The following SMAD1 variants were observed in gnomAD, a reference collection of about 807,000 sequenced individuals.
SMAD1 encodes SMAD family member 1.
In SMAD1, 6 loss-of-function variants were observed where a neutral mutation model predicts 41.6. The ratio of observed to expected loss-of-function variants is 0.14; its 90% CI spans 0.08 to 0.28. The LOEUF (loss-of-function observed/expected upper bound fraction) is 0.28. Ranked by LOEUF, SMAD1 falls within the 10% of genes least tolerant of loss-of-function variation. The pLI is 1.00. For missense variants in SMAD1, 379 were observed against 582.6 expected, an observed-to-expected ratio of 0.65 and a Z score of 3.60; for synonymous variants, 206 against 203.2, an observed-to-expected ratio of 1.01 and a Z score of -0.12.
In SMAD1 at chr4:145,558,358, A is replaced by G. The variant is rs1168237386; in HGVS notation, c.*424A>G. On this transcript the variant is annotated 3_prime_UTR_variant, in exon 7 of 7. Transcript: ENST00000302085. The stretch of plus-strand genomic sequence containing the variant: ...ACGTGTTTTATCAGGTTTAGAGCCC[A>G]TGTTGAGTCTTCTTTTCATGGGTTT... 6.6e-6 allele frequency among the ~76,000 whole-genome samples: 1 copy of G among 152,204 alleles called. No homozygotes were observed. Among genetic ancestry groups the G allele is most frequent in the Non-Finnish European group, 1.5e-5 (1 of 68,020 alleles).
chr4:145,521,743 G>C (rs1730750106), intron 2 of SMAD1, among the ~76,000 whole-genome samples: 1 of 152,058 alleles, frequency 6.6e-6, no homozygotes. Context: ...GAAATTTTCT[G>C]TATCTTGACT....
chr4:145,496,055 A>C (rs529031310), intron 1 of SMAD1, among the ~76,000 whole-genome samples: 1 of 152,236 alleles, frequency 6.6e-6, no homozygotes, highest in East Asian at 1.9e-4. Flanking sequence ...ATAATGTCTT[A>C]TTCTAAGCTC....
At chr4:145,492,940 T>G (rs896399453) in intron 1 of SMAD1, among the ~76,000 whole-genome samples, 1 of 152,248 alleles carries the variant, frequency 6.6e-6, no homozygotes, top group Non-Finnish European at 1.5e-5. Context: ...CTAACTGAAT[T>G]ACATTCAGCC....
At chr4:145,551,115 G>A (rs74711143) in intron 5 of SMAD1, among the ~76,000 whole-genome samples, 4 of 152,056 alleles carry the variant, frequency 2.6e-5, no homozygotes, top group South Asian at 2.1e-4. Context: ...AAAAATTATC[G>A]GCATTAGGGT....
Position 145,514,363 on chromosome 4 carries a change from T to C in SMAD1, c.-176-75T>C. The C allele has an allele frequency of 2.4e-6, 1 of 423,458 alleles. No homozygotes were observed. The highest frequency in any genetic ancestry group is 5.2e-5 in the South Asian group (1 of 19,274). 26.2% of individuals were successfully genotyped at this position (423,458 alleles called of 1,614,324 possible). A position where few individuals can be genotyped will look rare whatever the true frequency, so the allele number is the denominator to read the frequency against. On this transcript the variant is annotated intron_variant, in intron 1 of 6. Coordinates refer to ENST00000302085, the MANE Select transcript of SMAD1 (RefSeq NM_005900.3). This position sits in a 1 kb window ranked among gnomAD's most constrained non-coding sequence, Gnocchi z 4.7. ...ACATAAAAGCACTTAAAATAGTACC[T>C]AGCACATGGTGATTACTTAATAAAT...
Position 145,538,794 on chromosome 4 carries a change from A to G in SMAD1, c.401-1010A>G, listed in dbSNP as rs569568165. On this transcript the variant is annotated intron_variant, in intron 2 of 6. Transcript: ENST00000302085. ...AGGCCACAGGAGCTGGAGGGATTGCAAAGACCTTTATTAGAGCATCCATCT... is the reference window on the plus strand; with the variant it reads ...AGGCCACAGGAGCTGGAGGGATTGCGAAGACCTTTATTAGAGCATCCATCT... Among the ~76,000 whole-genome samples, 8 of 152,290 alleles carry G rather than the reference A, an allele frequency of 5.3e-5. No individual in the cohort carries two copies. The South Asian group carries it at 1.5e-3, about 28-fold the overall frequency.
chr4:145,533,757 G>A (rs778331663), intron 2 of SMAD1, among the ~76,000 whole-genome samples: 9 of 152,206 alleles, frequency 5.9e-5, no homozygotes, highest in Non-Finnish European at 1.0e-4. Flanking sequence ...AAGTGCTGCT[G>A]TGGACCATGT....
chr4:145,482,228 C>CA lies in SMAD1; in HGVS notation c.-177+190_-177+191insA, dbSNP rs1271339274. On this transcript the variant is annotated intron_variant, in intron 1 of 6. Transcript: ENST00000302085. This position sits in a 1 kb window ranked among gnomAD's most constrained non-coding sequence, Gnocchi z 4.2. ...TCTGCGCGGGGCGGGCCGCGACCCCCCCCCCCCATGATGGCGCCTCCCGTC... is the reference window on the plus strand; with the variant it reads ...TCTGCGCGGGGCGGGCCGCGACCCCCACCCCCCCATGATGGCGCCTCCCGTC... Among the ~76,000 whole-genome samples the CA allele has an allele frequency of 1.3e-5, 2 of 149,986 alleles. No individual in the cohort carries two copies. Among genetic ancestry groups the CA allele is most frequent in the African/African-American group, 2.4e-5 (1 of 41,244 alleles).
chr4:145,550,432 G>C (rs1732493381), intron 5 of SMAD1, among the ~76,000 whole-genome samples: 3 of 152,162 alleles, frequency 2.0e-5, no homozygotes. Context: ...GTTATCACTT[G>C]AATTTGAGAG....
intron 2 of SMAD1, among the ~76,000 whole-genome samples, chr4:145,528,920 A>G (rs1316450320): frequency 1.3e-5 from 2 of 151,970 alleles, no homozygotes; most frequent in East Asian, 1.9e-4. Flanking sequence ...TCTATATCTC[A>G]TTTTCCACTT....
At chr4:145,527,134 A>G (rs1263799282) in intron 2 of SMAD1, among the ~76,000 whole-genome samples, 7 of 152,268 alleles carry the variant, frequency 4.6e-5, no homozygotes, top group Middle Eastern at 6.8e-3. Context: ...ATATTATTAG[A>G]ATAAAATATT....
intron 1 of SMAD1, among the ~76,000 whole-genome samples, chr4:145,502,359 C>A (rs1729491183): frequency 6.6e-6 from 1 of 152,104 alleles, no homozygotes; most frequent in Admixed American, 6.5e-5. Context: ...GAATGTTGTA[C>A]AACTTTTAGA....
At chr4:145,509,758 A>G (rs946622545) in intron 1 of SMAD1, among the ~76,000 whole-genome samples, 4 of 152,186 alleles carry the variant, frequency 2.6e-5, no homozygotes, top group African/African-American at 4.8e-5. Context: ...TGATAATAGC[A>G]TAGTTTTGTT....
In SMAD1 at chr4:145,537,918, A is replaced by C. The variant is rs150504007; in HGVS notation, c.401-1886A>C. Among the ~76,000 whole-genome samples the C allele has an allele frequency of 9.0e-3, 1,373 of 152,290 alleles. 7 individuals are homozygous for C. The highest frequency in any genetic ancestry group is 0.014 in the Non-Finnish European group (945 of 68,024). Reference sequence around the variant, plus strand: ...TGCTGCAGTTTTTGCCATTAAATGCAAAAACTGAAATTATTTTTGCACCAA... The same window carrying C: ...TGCTGCAGTTTTTGCCATTAAATGCCAAAACTGAAATTATTTTTGCACCAA... On this transcript the variant is annotated intron_variant, in intron 2 of 6. Transcript: ENST00000302085.
At chr4:145,498,318 A>G (rs1318686950) in intron 1 of SMAD1, among the ~76,000 whole-genome samples, 1 of 152,190 alleles carries the variant, frequency 6.6e-6, no homozygotes, top group Admixed American at 6.5e-5. Flanking sequence ...TCCTATCCAT[A>G]TCATATTAAC....
At chr4:145,505,418 G>A (rs942789484) in intron 1 of SMAD1, among the ~76,000 whole-genome samples, 1 of 152,066 alleles carries the variant, frequency 6.6e-6, no homozygotes, top group African/African-American at 2.4e-5. Flanking sequence ...CTAATGAGGT[G>A]TATTGTGAAA....
intron 1 of SMAD1, among the ~76,000 whole-genome samples, chr4:145,492,465 T>A (rs552319980): frequency 1.3e-5 from 2 of 152,344 alleles, no homozygotes; most frequent in East Asian, 3.9e-4. Flanking sequence ...AAGAGATACA[T>A]AGGGCAAGGT....
intron 2 of SMAD1, among the ~76,000 whole-genome samples, chr4:145,529,391 GA>G (rs1299821951): frequency 7.9e-5 from 12 of 152,212 alleles, no homozygotes; most frequent in African/African-American, 2.9e-4. Flanking sequence ...AGAAAAGACA[GA>G]GAGGGAACTA....
rs1220696497 is a variant in SMAD1, at chr4:145,514,328, A to T, written c.-176-110A>T. ...TAGGGGTCACAATTCAGTCCACAGC[A>T]TACTGTATTACATAAAAGCACTTAA... On this transcript the variant is annotated intron_variant, in intron 1 of 6. Coordinates refer to ENST00000302085, the MANE Select transcript of SMAD1 (RefSeq NM_005900.3). This position sits in a 1 kb window ranked among gnomAD's most constrained non-coding sequence, Gnocchi z 4.7. 3.4e-6 allele frequency: 1 copy of T among 291,428 alleles called. No individual in the cohort carries two copies. 18.1% of individuals were successfully genotyped at this position (291,428 alleles called of 1,614,324 possible). A position where few individuals can be genotyped will look rare whatever the true frequency, so the allele number is the denominator to read the frequency against.
Sources: gnomAD v4.1 joint callset for allele counts (sites outside exome capture counted in the v4.1 genomes callset) on GRCh38, gnomAD v4.1.1 for gene constraint, Gnocchi (gnomAD v3.1) non-coding constraint, MANE v1.5 for transcripts, NCBI Gene and HGNC (gene_info 2026-07-23, HGNC 2026-07-21) for gene names.